The following ADORA2B variants were observed in gnomAD, a reference collection of about 807,000 sequenced individuals.
ADORA2B encodes the protein adenosine A2b receptor.
ADORA2B carries 18 observed loss-of-function variants against 20.8 expected under a neutral mutation model. The observed-to-expected ratio is 0.87, with a 90% confidence interval of 0.60 to 1.29. ADORA2B has a LOEUF of 1.29. Ranked by LOEUF, ADORA2B falls within the 50% of genes most tolerant of loss-of-function variation. The pLI is 0.00. For synonymous variants in ADORA2B, 179 were observed against 178.3 expected (o/e 1.00, Z -0.03); for missense variants, 441 against 422.7 (o/e 1.04, Z -0.38).
intron 1 of ADORA2B, among the ~76,000 whole-genome samples, chr17:15,970,120 G>A (rs567239720): frequency 6.6e-6 from 1 of 152,172 alleles, no homozygotes; most frequent in Admixed American, 6.5e-5. Context: ...TCATAACTTC[G>A]TATTTATATG....
chr17:15,860,604 T>A, the ADORA2B span, among the ~76,000 whole-genome samples: 32 of 152,238 alleles, frequency 2.1e-4, no homozygotes, highest in African/African-American at 7.7e-4. Flanking sequence ...AAATTCACAA[T>A]AATTTTTGAA....
At chr17:15,853,577 G>A in the ADORA2B span, among the ~76,000 whole-genome samples, 14 of 152,330 alleles carry the variant, frequency 9.2e-5, no homozygotes, top group African/African-American at 3.4e-4. Flanking sequence ...ATGTTGATGA[G>A]ATGGTCAAAA....
chr17:15,915,063 G>T, the ADORA2B span, among the ~76,000 whole-genome samples: 1 of 152,224 alleles, frequency 6.6e-6, no homozygotes, highest in Non-Finnish European at 1.5e-5. Context: ...GTTCAGAAGT[G>T]CAGCATAGCC....
At chr17:15,937,959 C>T in the ADORA2B span, among the ~76,000 whole-genome samples, 1 of 152,170 alleles carries the variant, frequency 6.6e-6, no homozygotes, top group African/African-American at 2.4e-5. Flanking sequence ...GTTAGTCCTG[C>T]CTGGTATTGA....
the ADORA2B span, among the ~76,000 whole-genome samples, chr17:15,869,428 C>T: frequency 6.6e-6 from 1 of 151,886 alleles, no homozygotes; most frequent in African/African-American, 2.4e-5. Flanking sequence ...AGGCAGGATT[C>T]ACAAGTATTT....
the ADORA2B span, among the ~76,000 whole-genome samples, chr17:15,877,864 GCCCTT>G: frequency 6.6e-6 from 1 of 152,132 alleles, no homozygotes; most frequent in Admixed American, 6.5e-5. Context: ...TCAGGTCTTT[GCCCTT>G]CCCCACTGCT....
At chr17:15,887,020 C>G in the ADORA2B span, among the ~76,000 whole-genome samples, 452 of 130,760 alleles carry the variant, frequency 3.5e-3, 136 homozygotes, top group African/African-American at 0.014. Flanking sequence ...GCCAGGGAAC[C>G]TCAGGGAGGA....
chr17:15,970,054 A>T (rs548609974), intron 1 of ADORA2B, among the ~76,000 whole-genome samples: 15 of 152,326 alleles, frequency 9.8e-5, no homozygotes, highest in Admixed American at 9.8e-4. Flanking sequence ...CAAGGCCTCC[A>T]TGTTTCTCTT....
At chr17:15,899,065 A>G in the ADORA2B span, among the ~76,000 whole-genome samples, 2 of 151,966 alleles carry the variant, frequency 1.3e-5, no homozygotes, top group Non-Finnish European at 2.9e-5. Flanking sequence ...CTGTGTCTCT[A>G]CTAAAAATAC....
intron 1 of ADORA2B, among the ~76,000 whole-genome samples, chr17:15,959,122 C>G (rs1970005514): frequency 6.6e-6 from 1 of 152,146 alleles, no homozygotes; most frequent in South Asian, 2.1e-4. Flanking sequence ...GGCCAAAAAG[C>G]TAGACTGGCT....
chr17:15,850,822 G>A, the ADORA2B span, among the ~76,000 whole-genome samples: 2 of 152,276 alleles, frequency 1.3e-5, no homozygotes, highest in South Asian at 2.1e-4. Flanking sequence ...CTACACGTTA[G>A]TCCAACACTT....
upstream of ADORA2B, among the ~76,000 whole-genome samples, chr17:15,943,628 G>A (rs752887629): frequency 1.3e-5 from 2 of 152,152 alleles, no homozygotes; most frequent in Non-Finnish European, 1.5e-5. Flanking sequence ...CCATGTTGTC[G>A]TCATTACAGC....
At chr17:15,920,806 C>CG in the ADORA2B span, among the ~76,000 whole-genome samples, 1 of 152,108 alleles carries the variant, frequency 6.6e-6, no homozygotes, top group Non-Finnish European at 1.5e-5. Context: ...CACAGCACCG[C>CG]GCAGGTATTT....
chr17:15,956,242 G>C (rs1969964366), intron 1 of ADORA2B, among the ~76,000 whole-genome samples: 1 of 152,128 alleles, frequency 6.6e-6, no homozygotes, highest in Non-Finnish European at 1.5e-5. Flanking sequence ...GAGATTCCTC[G>C]TGTGGCAGAG....
intron 1 of ADORA2B, among the ~76,000 whole-genome samples, chr17:15,950,929 CAG>C (rs1969893421): frequency 6.6e-6 from 1 of 152,258 alleles, no homozygotes; most frequent in African/African-American, 2.4e-5. Context: ...TGTCCTTACT[CAG>C]AGTCTCTCTG....
chr17:15,950,984 G>T (rs1438206893), intron 1 of ADORA2B, among the ~76,000 whole-genome samples: 2 of 152,248 alleles, frequency 1.3e-5, no homozygotes, highest in Non-Finnish European at 2.9e-5. Context: ...TTACACCCCA[G>T]GATGCAGCGC....
the ADORA2B span, among the ~76,000 whole-genome samples, chr17:15,915,609 A>G: frequency 6.6e-6 from 1 of 152,158 alleles, no homozygotes; most frequent in Admixed American, 6.5e-5. Flanking sequence ...ATAGATAGAC[A>G]GGTGGACAGA....
chr17:15,939,653 A>G, the ADORA2B span, among the ~76,000 whole-genome samples: 2 of 152,050 alleles, frequency 1.3e-5, no homozygotes, highest in Admixed American at 1.3e-4. Flanking sequence ...AGGTCAGGAG[A>G]TTGAGACCAT....
At chr17:15,969,193 G>A (rs1231058395) in intron 1 of ADORA2B, among the ~76,000 whole-genome samples, 4 of 152,140 alleles carry the variant, frequency 2.6e-5, no homozygotes, top group African/African-American at 9.7e-5. Context: ...GCTCACGCCT[G>A]TAATCCCAGC....
Sources: gnomAD v4.1 joint callset for allele counts (sites outside exome capture counted in the v4.1 genomes callset) on GRCh38, gnomAD v4.1.1 for gene constraint, MANE v1.5 for transcripts, NCBI Gene and HGNC (gene_info 2026-07-23, HGNC 2026-07-21) for gene names.